The following P4HA2 variants were observed in gnomAD, a reference collection of about 807,000 sequenced individuals.
The protein encoded by P4HA2 is prolyl 4-hydroxylase subunit alpha-2.
In P4HA2, 46 loss-of-function variants were observed where a neutral mutation model predicts 76.9. The ratio of observed to expected loss-of-function variants is 0.60; its 90% CI spans 0.47 to 0.76. P4HA2 has a LOEUF of 0.76. P4HA2 is among the 30% of genes least tolerant of loss of function. The pLI is 0.00. For synonymous variants in P4HA2, 243 were observed against 254.0 expected, an observed-to-expected ratio of 0.96 and a Z score of 0.41; for missense variants, 583 against 669.4, an observed-to-expected ratio of 0.87 and a Z score of 1.42.
intron 8 of P4HA2, among the ~76,000 whole-genome samples, chr5:132,204,532 C>T (rs1751940221): frequency 6.6e-6 from 1 of 152,166 alleles, no homozygotes; most frequent in Non-Finnish European, 1.5e-5. Context: ...TTAGCTACTC[C>T]CACCATTTTC....
Position 132,207,670 on chromosome 5 carries a change from C to A in P4HA2, c.1080+38G>T, listed in dbSNP as rs771753888. On this transcript the variant is annotated intron_variant, in intron 8 of 14. Coordinates refer to ENST00000360568, the MANE Select transcript of P4HA2 (RefSeq NM_001017974.2). ...TAGGGATGAGAAAAAGGACCTTCCC[C>A]CTTCAGTGACCCGAGAAGGACCTAC... 2.9e-5 allele frequency: 46 copies of A among 1,581,976 alleles called. 1 individual carries two copies. The Admixed American group carries it at 7.8e-4, about 27-fold the overall frequency.
intron 1 of P4HA2, among the ~76,000 whole-genome samples, chr5:132,219,999 C>T (rs915429751): frequency 1.3e-5 from 2 of 152,228 alleles, no homozygotes; most frequent in African/African-American, 4.8e-5. Context: ...GTCTTCCTGT[C>T]ATAGTCTAGG....
chr5:132,209,171 G>A lies in P4HA2; in HGVS notation c.870C>T (p.Tyr290=), dbSNP rs778379528. 14 of 1,613,786 alleles carry A rather than the reference G, an allele frequency of 8.7e-6. No individual in the cohort carries two copies. Among genetic ancestry groups the A allele is most frequent in the African/African-American group, 1.3e-5 (1 of 74,896 alleles). Residue 290 remains tyrosine, a synonymous_variant, in exon 7 of 15, where the codon TAC becomes TAT. Transcript: ENST00000360568. ...CACCCTCCCCACGACAGAGGCTCTC[G>A]TAAACATCCCTCTCAGGCAGGTAGT... ...PVDYLPERDV[Y]ESLCRGEGVK...
intron 12 of P4HA2, among the ~76,000 whole-genome samples, chr5:132,197,469 G>A (rs1427009270): frequency 2.6e-5 from 4 of 151,918 alleles, no homozygotes; most frequent in African/African-American, 4.8e-5. Context: ...TTAGCCAGGC[G>A]TTGTGGCTAG....
At chr5:132,207,986 G>T in intron 7 of P4HA2, 102 bp from the exon 8 acceptor site, 1 of 859,786 alleles carries the variant, frequency 1.2e-6, no homozygotes, top group African/African-American at 1.7e-5. Context: ...GCCAGCAGCT[G>T]CTCCCTCCCA....
chr5:132,227,042 A>C (rs1464859475), intron 1 of P4HA2: 1 of 152,570 alleles, frequency 6.6e-6, no homozygotes, highest in African/African-American at 2.4e-5. Context: ...TCAGTGCTCT[A>C]CCAAGTACCC....
At chr5:132,200,091 A>G (rs1751267369) in intron 10 of P4HA2, 1 of 152,486 alleles carries the variant, frequency 6.6e-6, no homozygotes. Flanking sequence ...AGTCCCAGCT[A>G]CTCAGGAAGC....
intron 1 of P4HA2, among the ~76,000 whole-genome samples, chr5:132,222,400 T>C (rs1754770592): frequency 6.6e-6 from 1 of 152,150 alleles, no homozygotes; most frequent in Admixed American, 6.5e-5. Flanking sequence ...CCTACTCTCC[T>C]TAGCCTCAGT....
chr5:132,206,301 G>A (rs1224390491), intron 8 of P4HA2, among the ~76,000 whole-genome samples: 4 of 152,108 alleles, frequency 2.6e-5, no homozygotes. Context: ...GTAGAAAGGG[G>A]AGTCCTAGTC....
chr5:132,222,492 G>A (rs1754780410), intron 1 of P4HA2, among the ~76,000 whole-genome samples: 1 of 152,076 alleles, frequency 6.6e-6, no homozygotes, highest in African/African-American at 2.4e-5. Context: ...CATGTCATCT[G>A]GCCTTCCTCC....
intron 1 of P4HA2, chr5:132,222,224 A>G (rs1373688918): frequency 1.3e-5 from 2 of 152,376 alleles, no homozygotes; most frequent in Non-Finnish European, 2.9e-5. Context: ...CTAACTGGAC[A>G]CGGCTCCCCG....
rs114560381 is a variant in P4HA2 at position 132,199,335 on chromosome 5, C to T, written c.1252-403G>A. On this transcript the variant is annotated intron_variant, in intron 10 of 14. Transcript: ENST00000360568. ...AGGAAAGTGAGTAACAAATTTAAGA[C>T]GAGGATTTTCTTTTTTAAACTAGTT... The T allele has an allele frequency of 5.0e-3, 929 of 184,520 alleles. 8 individuals are homozygous for T. The highest frequency in any genetic ancestry group is 0.018 in the African/African-American group (781 of 42,648). The allele number at this position is 184,520 out of a possible 1,614,324, so 11.4% of individuals were successfully genotyped here. A position where few individuals can be genotyped will look rare whatever the true frequency, so the allele number is the denominator to read the frequency against.
At chr5:132,197,333 C>T (rs539194907) in intron 12 of P4HA2, among the ~76,000 whole-genome samples, 6 of 152,122 alleles carry the variant, frequency 3.9e-5, no homozygotes, top group Non-Finnish European at 8.8e-5. Context: ...AATGGCAGGG[C>T]GCAGTGGCTC....
At chr5:132,223,363 A>T (rs547386450) in intron 1 of P4HA2, among the ~76,000 whole-genome samples, 119 of 152,330 alleles carry the variant, frequency 7.8e-4, no homozygotes, top group African/African-American at 2.8e-3. Flanking sequence ...CCCAGGTTCA[A>T]GGGATTCTCC....
Sources: allele counts gnomAD v4.1 joint callset (sites outside exome capture counted in the v4.1 genomes callset), GRCh38; gene constraint gnomAD v4.1.1; transcripts MANE v1.5; gene names NCBI Gene and HGNC (gene_info 2026-07-23, HGNC 2026-07-21).